DRD3: variants seen among roughly 807,000 people sequenced by gnomAD.
DRD3 encodes dopamine receptor D3.
Under a neutral mutation model 36.3 loss-of-function variants are expected in DRD3, and 19 were observed. The ratio of observed to expected loss-of-function variants is 0.52; its 90% CI spans 0.36 to 0.77. The LOEUF (loss-of-function observed/expected upper bound fraction) is 0.77. Among genes scored for constraint, DRD3 ranks in the 30% least tolerant of loss-of-function variants. DRD3 has a pLI of 0.00. For synonymous variants in DRD3, 195 were observed against 203.7 expected, an observed-to-expected ratio of 0.96 and a Z score of 0.36; for missense variants, 465 against 505.3, an observed-to-expected ratio of 0.92 and a Z score of 0.77.
intron 1 of DRD3, among the ~76,000 whole-genome samples, chr3:114,195,051 A>T (rs550023395): frequency 2.2e-4 from 33 of 152,278 alleles, no homozygotes; most frequent in African/African-American, 7.9e-4. Flanking sequence ...ATTTTCTTTC[A>T]AAAGGAACCA....
chr3:114,146,374 A>G (rs1038108919), intron 4 of DRD3, among the ~76,000 whole-genome samples: 1 of 152,196 alleles, frequency 6.6e-6, no homozygotes, highest in African/African-American at 2.4e-5. Flanking sequence ...TATATTGTCA[A>G]TACCCATCAT....
At chr3:114,141,313 C>T (rs572156582) in intron 4 of DRD3, among the ~76,000 whole-genome samples, 2 of 152,264 alleles carry the variant, frequency 1.3e-5, no homozygotes, top group Non-Finnish European at 1.5e-5. Flanking sequence ...GGATTACAGG[C>T]GTGAACCACT....
intron 3 of DRD3, among the ~76,000 whole-genome samples, chr3:114,155,975 C>T (rs1033441018): frequency 6.6e-6 from 1 of 152,186 alleles, no homozygotes; most frequent in African/African-American, 2.4e-5. Context: ...ATCCATCCAT[C>T]TCATAGCTCC....
In DRD3 at chr3:114,198,848, C is replaced by T. The variant is rs1288881908; in HGVS notation, c.-156+425G>A. Among the ~76,000 whole-genome samples the T allele has an allele frequency of 2.6e-5, 4 of 152,158 alleles. No individual in the cohort carries two copies. The East Asian group carries it at 7.7e-4, about 29-fold the overall frequency. ...GAACTCCTGGGCTCAAGTGATCCTCCCACCTCAGCCTCTCAAGTAGCTAGG... is the reference window on the plus strand; with the variant it reads ...GAACTCCTGGGCTCAAGTGATCCTCTCACCTCAGCCTCTCAAGTAGCTAGG... On this transcript the variant is annotated intron_variant, in intron 1 of 7. Coordinates refer to the DRD3 transcript ENST00000460779.
intron 2 of DRD3, among the ~76,000 whole-genome samples, chr3:114,168,437 A>G (rs888909886): frequency 6.6e-6 from 1 of 151,996 alleles, no homozygotes; most frequent in Admixed American, 6.6e-5. Flanking sequence ...ACACGTTTTC[A>G]TTTTTTCTTT....
chr3:114,140,327 T>C (rs1451943059), intron 4 of DRD3, among the ~76,000 whole-genome samples: 6 of 152,160 alleles, frequency 3.9e-5, no homozygotes, highest in Non-Finnish European at 5.9e-5. Context: ...TATTGTGACA[T>C]GGAGAATGTG....
At chr3:114,151,396 G>T (rs914203270) in intron 3 of DRD3, among the ~76,000 whole-genome samples, 2 of 152,094 alleles carry the variant, frequency 1.3e-5, no homozygotes, top group Admixed American at 1.3e-4. Context: ...GTGGTGTGCT[G>T]GTAAATGGCT....
At chr3:114,168,556 G>GCTCTCT (rs150328361) in intron 2 of DRD3, among the ~76,000 whole-genome samples, 1 of 147,736 alleles carries the variant, frequency 6.8e-6, no homozygotes, top group South Asian at 2.1e-4. Flanking sequence ...GAAAGTGCAT[G>GCTCTCT]CTCTCTCTCT....
intron 2 of DRD3, 97 bp downstream of exon 2, chr3:114,171,622 CCTGA>C: frequency 7.1e-7 from 1 of 1,404,550 alleles, no homozygotes; most frequent in African/African-American, 1.5e-5. Flanking sequence ...TTCCTCAGTT[CCTGA>C]CTGTCTGGGG....
At chr3:114,141,726 T>C (rs1430466520) in intron 4 of DRD3, among the ~76,000 whole-genome samples, 1 of 152,142 alleles carries the variant, frequency 6.6e-6, no homozygotes, top group Non-Finnish European at 1.5e-5. Flanking sequence ...TCATGTTGTT[T>C]CACCAAAGCC....
At chr3:114,181,198 T>C (rs889138663), upstream of DRD3, among the ~76,000 whole-genome samples, 2 of 152,192 alleles carry the variant, frequency 1.3e-5, no homozygotes, top group Non-Finnish European at 2.9e-5. Flanking sequence ...TAAAGAGTGA[T>C]ATAGACTCTA....
At chr3:114,141,089 T>G (rs1023396195) in intron 4 of DRD3, among the ~76,000 whole-genome samples, 1 of 152,270 alleles carries the variant, frequency 6.6e-6, no homozygotes, top group African/African-American at 2.4e-5. Context: ...TGGAATCCAA[T>G]GGCTCGATCT....
In DRD3 at chr3:114,127,935, T is replaced by C. The variant is rs1235476741; in HGVS notation, c.*781A>G. 2.0e-5 allele frequency among the ~76,000 whole-genome samples: 3 copies of C among 152,222 alleles called. No individual in the cohort carries two copies. Among genetic ancestry groups the C allele is most frequent in the Non-Finnish European group, 4.4e-5 (3 of 68,036 alleles). On this transcript the variant is annotated 3_prime_UTR_variant, in exon 7 of 7. Transcript: ENST00000383673. ...CATATCTAAGGTATGTTCTGAACCA[T>C]AAGTTTCAACAGTGAAACTACAATG...
chr3:114,142,520 A>G (rs922345706), intron 4 of DRD3, among the ~76,000 whole-genome samples: 1 of 152,186 alleles, frequency 6.6e-6, no homozygotes, highest in African/African-American at 2.4e-5. Flanking sequence ...TTTGTGTAAT[A>G]ATGAATACAC....
chr3:114,188,486 A>T (rs779231171), intron 1 of DRD3, among the ~76,000 whole-genome samples: 2 of 152,304 alleles, frequency 1.3e-5, no homozygotes, highest in Non-Finnish European at 2.9e-5. Flanking sequence ...TGCTGGGATT[A>T]CAGGCGTGAG....
At chr3:114,130,426 A>ATT (rs61072823) in intron 6 of DRD3, among the ~76,000 whole-genome samples, 47,732 of 136,956 alleles carry the variant, frequency 0.35, 9,183 homozygotes, top group Middle Eastern at 0.43. Flanking sequence ...AATAATCTAG[A>ATT]TTTTTTTTTT....
chr3:114,156,900 CTTCCTTCCTTCT>C lies in DRD3; in HGVS notation c.383+2843_383+2854del, dbSNP rs1559991352. The stretch of plus-strand genomic sequence containing the variant: ...CTTTCTCTTTCTTTTCTTCTCTTTT[CTTCCTTCCTTCT>C]TTCCTTCCTTCCTTCCTTCTCTTTC... On this transcript the variant is annotated intron_variant, in intron 3 of 6. Transcript: ENST00000383673. Among the ~76,000 whole-genome samples, 7 of 123,178 alleles carry C rather than the reference CTTCCTTCCTTCT, an allele frequency of 5.7e-5. 1 individual carries two copies. Among genetic ancestry groups the C allele is most frequent in the African/African-American group, 2.2e-4 (7 of 31,656 alleles). 80.8% of individuals were successfully genotyped at this position (123,178 alleles called of 152,430 possible).
intron 5 of DRD3, among the ~76,000 whole-genome samples, chr3:114,135,184 CT>C (rs1156755857): frequency 3.7e-4 from 1 of 2,670 alleles, no homozygotes; most frequent in African/African-American, 4.3e-4. Flanking sequence ...TGATATTTGT[CT>C]TTTTTTTTTT....
intron 3 of DRD3, among the ~76,000 whole-genome samples, chr3:114,156,741 CTTTTT>C (rs1559990887): frequency 2.4e-4 from 4 of 16,588 alleles, no homozygotes; most frequent in Admixed American, 7.8e-4. Context: ...TTCTTTCTTT[CTTTTT>C]CTTTCTTTCT....
Sources: gnomAD v4.1 joint callset for allele counts (sites outside exome capture counted in the v4.1 genomes callset) on GRCh38, gnomAD v4.1.1 for gene constraint, MANE v1.5 for transcripts, NCBI Gene and HGNC (gene_info 2026-07-23, HGNC 2026-07-21) for gene names.